Variants in TMEFF2 observed in about 807,000 individuals in gnomAD.
TMEFF2 encodes the protein tomoregulin-2.
A neutral mutation model predicts 53.8 loss-of-function variants in TMEFF2; 28 were observed. That is an observed-to-expected ratio of 0.52 (90% CI 0.39 to 0.71). The LOEUF (loss-of-function observed/expected upper bound fraction) is 0.71. Ranked by LOEUF, TMEFF2 falls within the 30% of genes least tolerant of loss-of-function variation. TMEFF2 has a pLI of 0.00. For missense variants in TMEFF2, 353 were observed against 455.2 expected (o/e 0.78, Z 2.04); for synonymous variants, 162 against 166.3 (o/e 0.97, Z 0.20).
intron 5 of TMEFF2, among the ~76,000 whole-genome samples, chr2:192,022,219 A>G (rs1246507246): frequency 2.0e-5 from 3 of 152,160 alleles, no homozygotes; most frequent in Non-Finnish European, 2.9e-5. Flanking sequence ...CTCCTCCATA[A>G]GCCTCTCTGA....
At chr2:192,028,446 T>A (rs969600911) in intron 5 of TMEFF2, 2 of 150,600 alleles carry the variant, frequency 1.3e-5, no homozygotes, top group African/African-American at 2.4e-5. Flanking sequence ...TCCTGAGAAA[T>A]ACGAATGACC....
At chr2:192,075,312 T>TATATATATATAAATATAAATAA (rs1559115169) in intron 4 of TMEFF2, among the ~76,000 whole-genome samples, 1 of 105,778 alleles carries the variant, frequency 9.5e-6, no homozygotes, top group Admixed American at 9.7e-5. Context: ...TATATATATA[T>TATATATATATAAATATAAATAA]ATATATATAT....
intron 4 of TMEFF2, among the ~76,000 whole-genome samples, chr2:192,173,499 C>T (rs538130408): frequency 1.3e-5 from 2 of 151,840 alleles, no homozygotes; most frequent in African/African-American, 4.8e-5. Context: ...TGCTTAGTGC[C>T]CTCACAAACA....
At chr2:192,075,298 T>TGTATATATATAA (rs1688388620) in intron 4 of TMEFF2, among the ~76,000 whole-genome samples, 1 of 37,738 alleles carries the variant, frequency 2.6e-5, no homozygotes, top group Non-Finnish European at 5.8e-5. Flanking sequence ...TATATATATA[T>TGTATATATATAA]ATATATATAT....
intron 4 of TMEFF2, among the ~76,000 whole-genome samples, chr2:192,076,335 A>G (rs1333762124): frequency 6.6e-6 from 1 of 152,024 alleles, no homozygotes; most frequent in Non-Finnish European, 1.5e-5. Context: ...GAGGTTTTAG[A>G]CTGATCAATT....
At chr2:192,186,326 A>G (rs1328586974) in intron 2 of TMEFF2, among the ~76,000 whole-genome samples, 1 of 152,158 alleles carries the variant, frequency 6.6e-6, no homozygotes, top group East Asian at 1.9e-4. Context: ...GAAAGAAGGC[A>G]GGAGCAAAAT....
intron 4 of TMEFF2, among the ~76,000 whole-genome samples, chr2:192,089,528 A>G (rs1401900439): frequency 1.3e-5 from 2 of 152,074 alleles, no homozygotes; most frequent in Non-Finnish European, 2.9e-5. Context: ...AGAATCTTTG[A>G]CAGTCTTCAT....
At chr2:192,064,126 TA>T (rs1167975300) in intron 4 of TMEFF2, among the ~76,000 whole-genome samples, 1 of 151,856 alleles carries the variant, frequency 6.6e-6, no homozygotes, top group African/African-American at 2.4e-5. Context: ...TTTTTGTGTG[TA>T]ATAAAGTATT....
intron 4 of TMEFF2, among the ~76,000 whole-genome samples, chr2:192,072,330 C>A (rs1427820369): frequency 6.6e-6 from 1 of 151,926 alleles, no homozygotes; most frequent in Non-Finnish European, 1.5e-5. Flanking sequence ...CTAATAATCA[C>A]CTGTATTTTA....
intron 4 of TMEFF2, among the ~76,000 whole-genome samples, chr2:192,133,315 A>G (rs1689905105): frequency 1.3e-5 from 2 of 152,112 alleles, no homozygotes; most frequent in South Asian, 2.1e-4. Flanking sequence ...CACAAGTATA[A>G]GATACCTCTA....
chr2:192,085,017 C>T (rs1688637017), intron 4 of TMEFF2, among the ~76,000 whole-genome samples: 1 of 152,130 alleles, frequency 6.6e-6, no homozygotes, highest in African/African-American at 2.4e-5. Context: ...GAACCAGCCT[C>T]CAATACAAGC....
intron 6 of TMEFF2, 83 bp downstream of exon 6, chr2:191,998,977 C>T (rs1686290108): frequency 7.3e-7 from 1 of 1,377,284 alleles, no homozygotes; most frequent in East Asian, 2.3e-5. Flanking sequence ...GGAATAGCTG[C>T]CTAATAAGGA....
intron 4 of TMEFF2, among the ~76,000 whole-genome samples, chr2:192,075,039 A>G (rs566156861): frequency 6.6e-6 from 1 of 151,636 alleles, no homozygotes; most frequent in South Asian, 2.1e-4. Flanking sequence ...CAAGAGCTCA[A>G]ACAAAGCTGT....
intron 8 of TMEFF2, among the ~76,000 whole-genome samples, chr2:191,955,167 GA>G (rs58022966): frequency 2.4e-4 from 11 of 45,098 alleles, no homozygotes; most frequent in African/African-American, 6.1e-4. Flanking sequence ...AAGAGTGGGA[GA>G]GAGAGGGAGA....
intron 4 of TMEFF2, among the ~76,000 whole-genome samples, chr2:192,082,430 A>G (rs894597223): frequency 1.3e-5 from 2 of 152,156 alleles, no homozygotes; most frequent in African/African-American, 2.4e-5. Flanking sequence ...TCTTTCACCT[A>G]TGATTTTCTA....
At chr2:191,983,493 C>T (rs1031104439) in intron 7 of TMEFF2, among the ~76,000 whole-genome samples, 1 of 151,558 alleles carries the variant, frequency 6.6e-6, no homozygotes, top group Non-Finnish European at 1.5e-5. Flanking sequence ...ACTTTAGTCA[C>T]CTAAAAGCAC....
At chr2:192,034,781 T>C (rs545295735) in intron 5 of TMEFF2, 1 of 152,354 alleles carries the variant, frequency 6.6e-6, no homozygotes, top group South Asian at 2.1e-4. Context: ...ATACTAGTTG[T>C]GAGGAGAAGT....
intron 7 of TMEFF2, among the ~76,000 whole-genome samples, chr2:191,986,027 A>C (rs1251972706): frequency 6.6e-6 from 1 of 152,222 alleles, no homozygotes; most frequent in East Asian, 1.9e-4. Context: ...GAAAGTTTTC[A>C]TGAACACTTC....
At chr2:192,180,527 A>G (rs936092914) in intron 3 of TMEFF2, among the ~76,000 whole-genome samples, 4 of 151,706 alleles carry the variant, frequency 2.6e-5, no homozygotes, top group African/African-American at 9.7e-5. Flanking sequence ...TTTGTTCACA[A>G]TACATTTGGT....
Sources: gnomAD v4.1 joint callset for allele counts (sites outside exome capture counted in the v4.1 genomes callset) on GRCh38, gnomAD v4.1.1 for gene constraint, MANE v1.5 for transcripts, NCBI Gene and HGNC (gene_info 2026-07-23, HGNC 2026-07-21) for gene names.